The following ENAH variants were observed in gnomAD, a reference collection of about 807,000 sequenced individuals.
ENAH encodes the protein ENAH actin regulator.
In ENAH, 23 loss-of-function variants were observed where a neutral mutation model predicts 78.7. The observed-to-expected ratio is 0.29, with a 90% CI of 0.21 to 0.41. ENAH has a LOEUF of 0.41. ENAH is among the 10% of genes least tolerant of loss of function. ENAH has a pLI of 1.00. For missense variants in ENAH, 544 were observed against 691.0 expected, an observed-to-expected ratio of 0.79 and a Z score of 2.39; for synonymous variants, 226 against 241.0, an observed-to-expected ratio of 0.94 and a Z score of 0.58.
At chr1:225,587,912 G>A (rs1430975939) in intron 1 of ENAH, among the ~76,000 whole-genome samples, 2 of 151,988 alleles carry the variant, frequency 1.3e-5, no homozygotes, top group Non-Finnish European at 2.9e-5. Flanking sequence ...AAGTGGTGCT[G>A]GAACAACTGG....
At chr1:225,581,966 A>G (rs892402283) in intron 1 of ENAH, among the ~76,000 whole-genome samples, 7 of 151,872 alleles carry the variant, frequency 4.6e-5, no homozygotes, top group South Asian at 2.1e-4. Flanking sequence ...AAATTTATAG[A>G]ACAACTATAT....
At chr1:225,609,463 G>A (rs547922382) in intron 1 of ENAH, among the ~76,000 whole-genome samples, 17 of 152,090 alleles carry the variant, frequency 1.1e-4, no homozygotes, top group African/African-American at 2.7e-4. Context: ...AGTATGCATC[G>A]TGGGGAGGAG....
rs372546732 is a variant in ENAH, at chr1:225,569,414, C to T, written c.6-2000G>A. Among the ~76,000 whole-genome samples, 45 of 152,234 alleles carry T rather than the reference C, an allele frequency of 3.0e-4. No homozygotes were observed. The South Asian group carries it at 6.2e-3, about 21-fold the overall frequency. ...GGGTGCAGCAAACCAACATGGCACA[C>T]GTATACCTATGTAACAAACCTGCAC... On this transcript the variant is annotated intron_variant, in intron 1 of 13. Transcript: ENST00000366843.
intron 1 of ENAH, among the ~76,000 whole-genome samples, chr1:225,624,586 T>C (rs1657599056): frequency 6.6e-6 from 1 of 152,126 alleles, no homozygotes. Context: ...ATTGCACCAC[T>C]GCATTCCAAC....
At chr1:225,531,373 A>G (rs1355025780) in intron 3 of ENAH, among the ~76,000 whole-genome samples, 1 of 152,104 alleles carries the variant, frequency 6.6e-6, no homozygotes, top group African/African-American at 2.4e-5. Flanking sequence ...TACAATGCAG[A>G]CCTGTTTTTT....
intron 11 of ENAH, among the ~76,000 whole-genome samples, chr1:225,501,934 A>G (rs1321110086): frequency 6.6e-6 from 1 of 152,206 alleles, no homozygotes; most frequent in Non-Finnish European, 1.5e-5. Context: ...CCCCAGTGGA[A>G]AACCTAGAGT....
Position 225,488,399 on chromosome 1 carries a change from G to C in ENAH, c.*9376C>G, listed in dbSNP as rs2096208655. On this transcript the variant is annotated 3_prime_UTR_variant, in exon 14 of 14. Transcript: ENST00000366843. ...AACTCAGAAGGCATTCACTCTGCCT[G>C]AAGTTGTGCTCTGCTCACAGCACGA... 6.6e-6 allele frequency: 1 copy of C among 152,270 alleles called. No individual in the cohort carries two copies. The allele number at this position is 152,270 out of a possible 1,614,324, so 9.4% of individuals were successfully genotyped here. A position where few individuals can be genotyped will look rare whatever the true frequency, so the allele number is the denominator to read the frequency against.
rs1015094003 is a variant in ENAH, at chr1:225,492,044, T to G, written c.*5731A>C. 2 of 151,970 alleles carry G rather than the reference T, an allele frequency of 1.3e-5. No homozygotes were observed. Among genetic ancestry groups the G allele is most frequent in the African/African-American group, 4.8e-5 (2 of 41,372 alleles). The allele number at this position is 151,970 out of a possible 1,614,324, so 9.4% of individuals were successfully genotyped here. ...GGGCTCTCTAATGAAATATGTAAGC[T>G]TTTCTAATAATTTCTATGAAAAGCT... On this transcript the variant is annotated 3_prime_UTR_variant, in exon 14 of 14. Coordinates refer to ENST00000366843, the MANE Select transcript of ENAH (RefSeq NM_018212.6).
intron 1 of ENAH, among the ~76,000 whole-genome samples, chr1:225,641,367 C>CTG (rs1207563027): frequency 2.0e-5 from 3 of 148,316 alleles, no homozygotes; most frequent in African/African-American, 7.5e-5. Context: ...AAGCCAAGCA[C>CTG]TGTGGTTCAG....
intron 3 of ENAH, among the ~76,000 whole-genome samples, chr1:225,534,864 G>GGGGTGGCTAA (rs1249536530): frequency 1.3e-5 from 2 of 151,994 alleles, no homozygotes; most frequent in East Asian, 3.9e-4. Flanking sequence ...TCTCTAATTT[G>GGGGTGGCTAA]GGGTGGCTAA....
At chr1:225,598,485 C>T (rs777659615) in intron 1 of ENAH, among the ~76,000 whole-genome samples, 2 of 151,684 alleles carry the variant, frequency 1.3e-5, no homozygotes, top group Non-Finnish European at 2.9e-5. Context: ...CACCCAAGAA[C>T]ACAGAATGAA....
chr1:225,546,793 T>C (rs1205704610), intron 3 of ENAH, among the ~76,000 whole-genome samples: 1 of 152,204 alleles, frequency 6.6e-6, no homozygotes, highest in African/African-American at 2.4e-5. Context: ...AGAAACTGTA[T>C]TTATCATTAA....
In ENAH at chr1:225,593,400, T is replaced by TGGG. The variant is rs1456095465; in HGVS notation, c.6-25989_6-25987dup. Among the ~76,000 whole-genome samples, 4 of 20,460 alleles carry TGGG rather than the reference T, an allele frequency of 2.0e-4. 1 individual carries two copies. The highest frequency in any genetic ancestry group is 3.7e-4 in the Non-Finnish European group (4 of 10,820). 13.4% of individuals were successfully genotyped at this position (20,460 alleles called of 152,430 possible). On this transcript the variant is annotated intron_variant, in intron 1 of 13. Transcript: ENST00000366843. ...ACTGCAGCCTGCCCCTGTGTGTGTG[T>TGGG]GGGGGGGGGGGGGGGGGTGGGGGGT...
intron 1 of ENAH, among the ~76,000 whole-genome samples, chr1:225,575,125 G>A (rs952217758): frequency 3.3e-5 from 5 of 151,974 alleles, no homozygotes; most frequent in Admixed American, 1.3e-4. Context: ...AGAATCCTCC[G>A]TGACCCTCAC....
chr1:225,622,126 T>C (rs1018626745), intron 1 of ENAH, among the ~76,000 whole-genome samples: 1 of 152,206 alleles, frequency 6.6e-6, no homozygotes, highest in African/African-American at 2.4e-5. Flanking sequence ...GTGTCCATGG[T>C]TATGTTCATT....
rs992305919 is a variant in ENAH at position 225,647,472 on chromosome 1, CTG to C, written c.5+5212_5+5213del. ...TGACACTTGTAGCCACTTCCAAGCT[CTG>C]TGTTAGAATAAGAAATAAATTCTGG... On this transcript the variant is annotated intron_variant, in intron 1 of 13. Coordinates refer to ENST00000366843, the MANE Select transcript of ENAH (RefSeq NM_018212.6). 1.5e-4 allele frequency among the ~76,000 whole-genome samples: 23 copies of C among 152,236 alleles called. 1 individual carries two copies. Among genetic ancestry groups the C allele is most frequent in the African/African-American group, 5.5e-4 (23 of 41,532 alleles).
intron 1 of ENAH, among the ~76,000 whole-genome samples, chr1:225,582,162 C>G (rs116525189): frequency 1.0e-3 from 155 of 152,096 alleles, no homozygotes; most frequent in Admixed American, 1.8e-3. Flanking sequence ...TGTCTTCCCC[C>G]CCTCTCTCTC....
chr1:225,508,001 A>T lies in ENAH; in HGVS notation c.1488T>A (p.Pro496=), dbSNP rs1156915628. 1.3e-6 allele frequency: 2 copies of T among 1,557,828 alleles called. No individual in the cohort carries two copies. The highest frequency in any genetic ancestry group is 2.1e-5 in the Admixed American group (1 of 47,984). The change falls in exon 11 of 14, where the codon CCT becomes CCA. Residue 496 remains proline, a synonymous_variant. Transcript: ENST00000366843. ...CATTCATTGTATTTGTTCTTTCCCA[A>T]GGTTTTCTTGTTGGTTCTTTAAAAA... ...STSTPEPTRK[P]WERTNTMNGS...
At chr1:225,538,204 G>A (rs72753034) in intron 3 of ENAH, among the ~76,000 whole-genome samples, 4,948 of 152,108 alleles carry the variant, frequency 0.033, 118 homozygotes, top group Non-Finnish European at 0.05. Context: ...TTTCTCTCAT[G>A]ATTGCAAAGT....
Sources: allele counts gnomAD v4.1 joint callset (sites outside exome capture counted in the v4.1 genomes callset), GRCh38; gene constraint gnomAD v4.1.1; transcripts MANE v1.5; gene names NCBI Gene and HGNC (gene_info 2026-07-23, HGNC 2026-07-21).